The following ANGPTL2 variants were observed in gnomAD, a reference collection of about 807,000 sequenced individuals.
ANGPTL2 encodes angiopoietin like 2, also known as angiopoietin-related protein 2.
Under a neutral mutation model 52.8 loss-of-function variants are expected in ANGPTL2, and 25 were observed. The observed-to-expected ratio is 0.47, with a 90% confidence interval of 0.35 to 0.66. ANGPTL2 has a LOEUF of 0.66. ANGPTL2 is among the 30% of genes least tolerant of loss of function. The pLI is 0.01. For missense variants in ANGPTL2, 546 were observed against 656.9 expected, an observed-to-expected ratio of 0.83 and a Z score of 1.84; for synonymous variants, 276 against 277.4, an observed-to-expected ratio of 1.00 and a Z score of 0.05.
intron 2 of ANGPTL2, among the ~76,000 whole-genome samples, chr9:127,097,378 G>A (rs558854850): frequency 1.3e-5 from 2 of 152,330 alleles, no homozygotes; most frequent in South Asian, 2.1e-4. Flanking sequence ...CAAAAAATGT[G>A]CATATGTGTC....
At chr9:127,114,395 A>T (rs1319217474) in intron 1 of ANGPTL2, among the ~76,000 whole-genome samples, 1 of 152,238 alleles carries the variant, frequency 6.6e-6, no homozygotes, top group African/African-American at 2.4e-5. Flanking sequence ...AGATCCCAAA[A>T]TAACCCCCAA....
intron 1 of ANGPTL2, among the ~76,000 whole-genome samples, chr9:127,120,814 C>G (rs1274165553): frequency 6.7e-6 from 1 of 149,672 alleles, no homozygotes; most frequent in Non-Finnish European, 1.5e-5. Flanking sequence ...GGTGACAGAG[C>G]GAGACTCCAT....
rs1262718815 is a variant in ANGPTL2, at chr9:127,088,373, G to A, written c.*566C>T. 2 of 153,426 alleles carry A rather than the reference G, an allele frequency of 1.3e-5. No individual in the cohort carries two copies. Among genetic ancestry groups the A allele is most frequent in the Admixed American group, 1.3e-4 (2 of 15,520 alleles). The allele number at this position is 153,426 out of a possible 1,614,324, so 9.5% of individuals were successfully genotyped here. ...GAATCCAGGCACACAGATGCCAAGGGTGATCCTTTCAGTTGAGACCACACA... is the reference window on the plus strand; with the variant it reads ...GAATCCAGGCACACAGATGCCAAGGATGATCCTTTCAGTTGAGACCACACA... On this transcript the variant is annotated 3_prime_UTR_variant, in exon 5 of 5. Coordinates refer to ENST00000373425, the MANE Select transcript of ANGPTL2 (RefSeq NM_012098.3).
chr9:127,117,322 G>A (rs1384318739), intron 1 of ANGPTL2, among the ~76,000 whole-genome samples: 1 of 152,198 alleles, frequency 6.6e-6, no homozygotes, highest in East Asian at 1.9e-4. Context: ...TAAAAAGCAG[G>A]GCCAGGGCAG....
chr9:127,089,684 A>G (rs2052222135), intron 4 of ANGPTL2, among the ~76,000 whole-genome samples: 1 of 152,214 alleles, frequency 6.6e-6, no homozygotes, highest in Admixed American at 6.5e-5. Context: ...CATCCAAACA[A>G]TTTTTTGTAT....
At chr9:127,102,891 T>C (rs970377652) in intron 2 of ANGPTL2, among the ~76,000 whole-genome samples, 1 of 152,230 alleles carries the variant, frequency 6.6e-6, no homozygotes, top group Non-Finnish European at 1.5e-5. Flanking sequence ...GAAAGTATTG[T>C]ACAGTGGAAA....
chr9:127,114,809 G>C (rs1164849092), intron 1 of ANGPTL2, among the ~76,000 whole-genome samples: 2 of 152,280 alleles, frequency 1.3e-5, no homozygotes, highest in Non-Finnish European at 1.5e-5. Context: ...GTTCTGGGAA[G>C]CTAGAAGCCT....
At chr9:127,114,764 G>T (rs1257738934) in intron 1 of ANGPTL2, among the ~76,000 whole-genome samples, 1 of 152,260 alleles carries the variant, frequency 6.6e-6, no homozygotes, top group Non-Finnish European at 1.5e-5. Flanking sequence ...GGCAGTCAGG[G>T]AATCTGGAAC....
At chr9:127,116,706 C>G (rs1003453762) in intron 1 of ANGPTL2, among the ~76,000 whole-genome samples, 2 of 152,196 alleles carry the variant, frequency 1.3e-5, no homozygotes, top group Non-Finnish European at 2.9e-5. Context: ...GAAGTTGGCA[C>G]CAGGGCCACC....
chr9:127,111,516 G>T (rs1034022906), intron 1 of ANGPTL2, among the ~76,000 whole-genome samples: 1 of 152,212 alleles, frequency 6.6e-6, no homozygotes, highest in South Asian at 2.1e-4. Context: ...AGCTGGGAGT[G>T]CTGGAAAGAG....
In ANGPTL2 at chr9:127,094,490, C is replaced by T. The variant is rs549079212; in HGVS notation, c.818-564G>A. Among the ~76,000 whole-genome samples, 3 of 152,338 alleles carry T rather than the reference C, an allele frequency of 2.0e-5. No individual in the cohort carries two copies. In the East Asian group the frequency reaches 5.8e-4, roughly 29 times the overall value. ...CACGTCTGCCCTTCCAGTGACAGTGCTTCGTGATGACTGCTGCAGCTTTTA... is the reference window on the plus strand; with the variant it reads ...CACGTCTGCCCTTCCAGTGACAGTGTTTCGTGATGACTGCTGCAGCTTTTA... On this transcript the variant is annotated intron_variant, in intron 2 of 4. Transcript: ENST00000373425.
intron 2 of ANGPTL2, among the ~76,000 whole-genome samples, chr9:127,096,503 C>A (rs968929337): frequency 6.6e-6 from 1 of 152,168 alleles, no homozygotes; most frequent in Non-Finnish European, 1.5e-5. Flanking sequence ...TTGAAGGAGG[C>A]GCCACGTAGG....
intron 1 of ANGPTL2, among the ~76,000 whole-genome samples, chr9:127,121,475 A>G (rs1191873124): frequency 2.6e-5 from 4 of 152,250 alleles, no homozygotes; most frequent in Admixed American, 2.0e-4. Context: ...CAAGTAACTG[A>G]ACTGGCCTCT....
At position 127,091,798 on chromosome 9, in the gene ANGPTL2, C is replaced by T. The variant is rs141690990; in HGVS notation, c.1154G>A (p.Arg385His). The change falls in exon 4 of 5, where the codon CGC becomes CAC. Residue 385 changes from arginine (R) to histidine (H), a missense_variant. Around this residue, in one of 2 missense-constraint regions of ANGPTL2, gnomAD observed 261 missense variants for 361.0 expected, o/e 0.72. Coordinates refer to ENST00000373425, the MANE Select transcript of ANGPTL2 (RefSeq NM_012098.3). The surrounding 1 kb of genome is among the most constrained non-coding windows in gnomAD (Gnocchi z 4.3). ...RKVFAEYASF[R>H]LEPESEYYKL... ...ATAATACTCGCTCTCAGGTTCCAGGCGGAAACTGGCGTATTCTGCAAAGAC... is the reference window on the plus strand; with the variant it reads ...ATAATACTCGCTCTCAGGTTCCAGGTGGAAACTGGCGTATTCTGCAAAGAC... 2.1e-5 allele frequency: 34 copies of T among 1,614,046 alleles called. No individual in the cohort carries two copies. The highest frequency in any genetic ancestry group is 1.6e-4 in the Middle Eastern group (1 of 6,080).
At chr9:127,115,937 C>T (rs1383713824) in intron 1 of ANGPTL2, among the ~76,000 whole-genome samples, 1 of 152,196 alleles carries the variant, frequency 6.6e-6, no homozygotes, top group African/African-American at 2.4e-5. Flanking sequence ...TCTCCAGCTG[C>T]CCTCCCCTCC....
intron 3 of ANGPTL2, among the ~76,000 whole-genome samples, chr9:127,092,173 G>A (rs1361012250): frequency 3.9e-5 from 6 of 152,200 alleles, no homozygotes; most frequent in Admixed American, 2.6e-4. Flanking sequence ...CAGATTCCTT[G>A]TTCTTACATC....
chr9:127,091,236 A>G lies in ANGPTL2; in HGVS notation c.1282+434T>C, dbSNP rs944457256. On this transcript the variant is annotated intron_variant, in intron 4 of 4. Coordinates refer to ENST00000373425, the MANE Select transcript of ANGPTL2 (RefSeq NM_012098.3). The surrounding 1 kb of genome is among the most constrained non-coding windows in gnomAD (Gnocchi z 4.3). The stretch of plus-strand genomic sequence containing the variant: ...AAACTGAGACCCACGGAGATTTAGC[A>G]GTATGCCCAAGGACACATGGCTGGT... 2.0e-5 allele frequency among the ~76,000 whole-genome samples: 3 copies of G among 152,232 alleles called. No homozygotes were observed. Among genetic ancestry groups the G allele is most frequent in the African/African-American group, 7.2e-5 (3 of 41,462 alleles).
rs528804006 is a variant in ANGPTL2, at chr9:127,108,265, G to A, written c.467C>T (p.Ser156Phe). 6.2e-7 allele frequency: 1 copy of A among 1,614,026 alleles called. No individual in the cohort carries two copies. Among genetic ancestry groups the A allele is most frequent in the East Asian group, 2.2e-5 (1 of 44,848 alleles). ...GTTCAGGATCCTGTTCTCCAGCTGG[G>A]AGAGCTCCAACGCGTTGTCCCGCTT... ...IRKRDNALEL[S>F]QLENRILNQT... is the part of the protein sequence containing the mutation. Residue 156 changes from serine (S) to phenylalanine (F), a missense_variant, in exon 2 of 5, where the codon TCC becomes TTC. Coordinates refer to ENST00000373425, the MANE Select transcript of ANGPTL2 (RefSeq NM_012098.3).
chr9:127,097,390 G>C (rs1277785145), intron 2 of ANGPTL2, among the ~76,000 whole-genome samples: 1 of 152,238 alleles, frequency 6.6e-6, no homozygotes, highest in East Asian at 1.9e-4. Context: ...ATATGTGTCT[G>C]TACACGGAAT....
Sources: allele counts gnomAD v4.1 joint callset (sites outside exome capture counted in the v4.1 genomes callset), GRCh38; gene constraint gnomAD v4.1.1; regional missense constraint gnomAD v4.1.1; non-coding constraint Gnocchi (gnomAD v3.1); transcripts MANE v1.5; gene names NCBI Gene and HGNC (gene_info 2026-07-23, HGNC 2026-07-21).